SLC15A5: variants seen among roughly 807,000 people sequenced by gnomAD.
SLC15A5 encodes the protein Peptide/histidine transporter ENSP00000340402.
SLC15A5 carries 58 observed loss-of-function variants against 56.1 expected under a neutral mutation model. The ratio of observed to expected loss-of-function variants is 1.03; its 90% confidence interval spans 0.84 to 1.29. The LOEUF is 1.29. Among genes scored for constraint, SLC15A5 ranks in the 50% most tolerant of loss-of-function variants. The probability of loss-of-function intolerance (pLI) is 0.00; values close to 1 mark genes in which losing one functional copy is unlikely to be tolerated. For synonymous variants in SLC15A5, 264 were observed against 250.5 expected (o/e 1.05, Z -0.51); for missense variants, 681 against 672.1 (o/e 1.01, Z -0.15).
chr12:16,229,020 C>T (rs1864270085), intron 5 of SLC15A5, among the ~76,000 whole-genome samples: 1 of 152,138 alleles, frequency 6.6e-6, no homozygotes, highest in Non-Finnish European at 1.5e-5. Flanking sequence ...TAGCCACTGC[C>T]ATCATTCCAA....
chr12:16,249,201 A>C lies in SLC15A5; in HGVS notation c.755-4401T>G, dbSNP rs181103681. Among the ~76,000 whole-genome samples the C allele has an allele frequency of 2.4e-3, 366 of 152,236 alleles. 2 individuals carry two copies. The highest frequency in any genetic ancestry group is 8.6e-3 in the African/African-American group (358 of 41,554). Reference sequence around the variant, plus strand: ...ATAGCAGTGGGAAGAAATGCAAATGAATTCCGTGCTTGACAGCTAAACATA... The same window carrying C: ...ATAGCAGTGGGAAGAAATGCAAATGCATTCCGTGCTTGACAGCTAAACATA... On this transcript the variant is annotated intron_variant, in intron 3 of 8. Coordinates refer to ENST00000344941, the MANE Select transcript of SLC15A5 (RefSeq NM_001170798.1).
chr12:16,190,201 A>T (rs1863827448), intron 8 of SLC15A5, among the ~76,000 whole-genome samples: 1 of 152,168 alleles, frequency 6.6e-6, no homozygotes, highest in East Asian at 1.9e-4. Context: ...ACCATTGTCA[A>T]AGAAGGAGTC....
At chr12:16,257,632 A>G in intron 3 of SLC15A5, 69 bp downstream of exon 3, 6 of 1,209,376 alleles carry the variant, frequency 5.0e-6, no homozygotes, top group African/African-American at 1.6e-5. Context: ...ATAAAGAATC[A>G]AAGAGAAAGG....
At chr12:16,219,467 T>C (rs1204718047) in intron 6 of SLC15A5, among the ~76,000 whole-genome samples, 1 of 152,208 alleles carries the variant, frequency 6.6e-6, no homozygotes, top group African/African-American at 2.4e-5. Context: ...AGTAGGCCTA[T>C]TTCTTTCACT....
At chr12:16,270,846 C>T (rs967884960) in intron 2 of SLC15A5, among the ~76,000 whole-genome samples, 2 of 152,054 alleles carry the variant, frequency 1.3e-5, no homozygotes, top group Non-Finnish European at 2.9e-5. Context: ...GGTAAGTGAA[C>T]ATTCATAAAA....
chr12:16,195,624 G>C lies in SLC15A5; in HGVS notation c.1484-1171C>G, dbSNP rs117403472. ...TCCTACAATGGAAGGTGAAGAGGGT[G>C]TGGGACCAGAGCAATCAGTCTGTTG... On this transcript the variant is annotated intron_variant, in intron 7 of 8. Coordinates refer to ENST00000344941, the MANE Select transcript of SLC15A5 (RefSeq NM_001170798.1). Among the ~76,000 whole-genome samples, 840 of 152,198 alleles carry C rather than the reference G, an allele frequency of 5.5e-3. 2 individuals are homozygous for C. Among genetic ancestry groups the C allele is most frequent in the Non-Finnish European group, 8.5e-3 (581 of 67,980 alleles).
intron 7 of SLC15A5, among the ~76,000 whole-genome samples, chr12:16,211,170 G>A (rs1342097817): frequency 6.6e-6 from 1 of 152,220 alleles, no homozygotes; most frequent in Non-Finnish European, 1.5e-5. Context: ...CTGAATTTGA[G>A]GAAGCGTATC....
At chr12:16,256,913 A>G (rs962464685) in intron 3 of SLC15A5, among the ~76,000 whole-genome samples, 1 of 148,480 alleles carries the variant, frequency 6.7e-6, no homozygotes, top group African/African-American at 2.5e-5. Flanking sequence ...ATGCATGGGG[A>G]ATAGATAGAT....
chr12:16,255,294 G>A (rs975469486), intron 3 of SLC15A5, among the ~76,000 whole-genome samples: 6 of 152,050 alleles, frequency 3.9e-5, no homozygotes, highest in African/African-American at 1.4e-4. Context: ...AACATGAACA[G>A]GTAATTCACT....
chr12:16,198,539 G>A (rs968733964), intron 7 of SLC15A5, among the ~76,000 whole-genome samples: 2 of 152,124 alleles, frequency 1.3e-5, no homozygotes, highest in African/African-American at 4.8e-5. Flanking sequence ...CAAATGCACT[G>A]CTGTAGTCCA....
chr12:16,254,884 A>T (rs567223544), intron 3 of SLC15A5, among the ~76,000 whole-genome samples: 239 of 152,266 alleles, frequency 1.6e-3, no homozygotes, highest in Non-Finnish European at 3.4e-4. Context: ...AGTGACACAA[A>T]ATTATAGCTA....
intron 3 of SLC15A5, 67 bp from the exon 4 acceptor site, chr12:16,244,867 C>T (rs1438743879): frequency 4.8e-6 from 7 of 1,453,570 alleles, no homozygotes; most frequent in South Asian, 1.3e-5. Flanking sequence ...AGATGCTGAT[C>T]AGAAAGATAA....
At chr12:16,199,925 T>A (rs576203563) in intron 7 of SLC15A5, among the ~76,000 whole-genome samples, 1 of 151,990 alleles carries the variant, frequency 6.6e-6, no homozygotes, top group South Asian at 2.1e-4. Flanking sequence ...AGTCAGAGTG[T>A]TAGAAAACCT....
Position 16,270,216 on chromosome 12 carries a change from A to G in SLC15A5, c.584+2345T>C, listed in dbSNP as rs115312030. 7.0e-3 allele frequency among the ~76,000 whole-genome samples: 1,067 copies of G among 152,270 alleles called. 9 individuals carry two copies. Among genetic ancestry groups the G allele is most frequent in the African/African-American group, 0.023 (971 of 41,550 alleles). On this transcript the variant is annotated intron_variant, in intron 2 of 8. Coordinates refer to ENST00000344941, the MANE Select transcript of SLC15A5 (RefSeq NM_001170798.1). ...GTGCCTGAGACTTCCAGTCTATGCT[A>G]CTTAACATGATCATTGGGAAGCTTT...
chr12:16,232,685 G>A (rs1019575852), intron 5 of SLC15A5, among the ~76,000 whole-genome samples: 1 of 152,160 alleles, frequency 6.6e-6, no homozygotes, highest in African/African-American at 2.4e-5. Flanking sequence ...GGAGGCCGAG[G>A]TGGGAGGATC....
chr12:16,201,036 C>T (rs180736865), intron 7 of SLC15A5, among the ~76,000 whole-genome samples: 9 of 152,094 alleles, frequency 5.9e-5, no homozygotes, highest in East Asian at 3.9e-4. Flanking sequence ...TTTAGTTACG[C>T]GTATGCTATT....
At chr12:16,223,976 A>G (rs949326727) in intron 6 of SLC15A5, among the ~76,000 whole-genome samples, 1 of 152,112 alleles carries the variant, frequency 6.6e-6, no homozygotes, top group Non-Finnish European at 1.5e-5. Context: ...TTGGCCTCCC[A>G]AAGTGCTGGG....
chr12:16,197,665 C>A (rs1863907128), intron 7 of SLC15A5, among the ~76,000 whole-genome samples: 1 of 152,094 alleles, frequency 6.6e-6, no homozygotes, highest in African/African-American at 2.4e-5. Context: ...CTCCTGCCCC[C>A]TTTCCAGGTA....
At chr12:16,238,370 G>C (rs1864372573) in intron 5 of SLC15A5, among the ~76,000 whole-genome samples, 1 of 152,120 alleles carries the variant, frequency 6.6e-6, no homozygotes, top group South Asian at 2.1e-4. Context: ...GCTCACACCT[G>C]TCATCCCAGC....
Sources: allele counts gnomAD v4.1 joint callset (sites outside exome capture counted in the v4.1 genomes callset), GRCh38; gene constraint gnomAD v4.1.1; transcripts MANE v1.5; gene names NCBI Gene and HGNC (gene_info 2026-07-23, HGNC 2026-07-21).